Variants in B3GLCT observed in about 807,000 individuals in gnomAD.
The protein encoded by B3GLCT is beta-1,3-glucosyltransferase.
B3GLCT carries 65 observed loss-of-function variants against 63.4 expected under a neutral mutation model. That is an observed-to-expected ratio of 1.03 (90% confidence interval 0.84 to 1.26). The LOEUF is 1.26. Ranked by LOEUF, B3GLCT falls within the 50% of genes most tolerant of loss-of-function variation. B3GLCT has a pLI of 0.00. For missense variants in B3GLCT, 577 were observed against 604.8 expected (o/e 0.95, Z 0.48); for synonymous variants, 233 against 219.2 (o/e 1.06, Z -0.55).
intron 1 of B3GLCT, among the ~76,000 whole-genome samples, chr13:31,204,871 C>T (rs1245810218): frequency 1.3e-5 from 2 of 152,124 alleles, no homozygotes; most frequent in Non-Finnish European, 2.9e-5. Flanking sequence ...ACATTTCTGT[C>T]ACATCCACCA....
At position 31,297,646 on chromosome 13, in the gene B3GLCT, G is replaced by C. The variant is rs569956400; in HGVS notation, c.1064+10827G>C. On this transcript the variant is annotated intron_variant, in intron 12 of 14. Transcript: ENST00000343307. ...TTAACACTGTCTACCTGGAGATAGT[G>C]CCAATTCCCACAGTTTGAGGGCTCA... Among the ~76,000 whole-genome samples, 17 of 152,124 alleles carry C rather than the reference G, an allele frequency of 1.1e-4. No individual in the cohort carries two copies. In the East Asian group the frequency reaches 3.3e-3, roughly 30 times the overall value.
At chr13:31,225,016 C>G (rs1870025589) in intron 3 of B3GLCT, among the ~76,000 whole-genome samples, 1 of 152,210 alleles carries the variant, frequency 6.6e-6, no homozygotes, top group Admixed American at 6.5e-5. Context: ...AACTATCTCT[C>G]TGTCCTGCTG....
intron 1 of B3GLCT, among the ~76,000 whole-genome samples, chr13:31,202,379 T>C (rs1173640977): frequency 1.3e-5 from 2 of 152,236 alleles, no homozygotes; most frequent in African/African-American, 2.4e-5. Context: ...GTGTGGCTTT[T>C]AGTGGCTTTG....
Position 31,257,925 on chromosome 13 carries a change from C to G in B3GLCT, c.460-3021C>G, listed in dbSNP as rs915486169. On this transcript the variant is annotated intron_variant, in intron 6 of 14. Transcript: ENST00000343307. ...AGCAGTGAACAAAATGGACAACATC[C>G]CTGCCCACAAGGAGATGATGTTCTT... 3.9e-5 allele frequency among the ~76,000 whole-genome samples: 6 copies of G among 152,160 alleles called. No individual in the cohort carries two copies. In the East Asian group the frequency reaches 7.7e-4, roughly 20 times the overall value.
chr13:31,313,163 G>A (rs1404368998), intron 12 of B3GLCT, among the ~76,000 whole-genome samples: 1 of 152,186 alleles, frequency 6.6e-6, no homozygotes, highest in East Asian at 1.9e-4. Context: ...AGTGGGGATG[G>A]GAAAGGTGAT....
rs117746040 is a variant in B3GLCT at position 31,309,960 on chromosome 13, C to G, written c.1065-7606C>G. On this transcript the variant is annotated intron_variant, in intron 12 of 14. Coordinates refer to ENST00000343307, the MANE Select transcript of B3GLCT (RefSeq NM_194318.4). The stretch of plus-strand genomic sequence containing the variant: ...TTTGACCCACAATCAGATTAAATTC[C>G]TACCTTGGGCAGGTACAAGGACACT... Among the ~76,000 whole-genome samples, 1,134 of 152,266 alleles carry G rather than the reference C, an allele frequency of 7.4e-3. 11 individuals are homozygous for G. The highest frequency in any genetic ancestry group is 0.011 in the Non-Finnish European group (717 of 68,020).
At chr13:31,259,671 G>A (rs1271059447) in intron 6 of B3GLCT, among the ~76,000 whole-genome samples, 4 of 151,892 alleles carry the variant, frequency 2.6e-5, no homozygotes, top group African/African-American at 9.7e-5. Flanking sequence ...AGTCCAGCAA[G>A]GCTGCAAGAG....
At chr13:31,200,203 G>C in intron 1 of B3GLCT, 49 bp downstream of exon 1, 2 of 1,169,632 alleles carry the variant, frequency 1.7e-6, no homozygotes, top group South Asian at 2.6e-5. Context: ...GGGGTTCGCG[G>C]GCACAGTCGC....
chr13:31,200,107 GGCTGCTCGCGCCGCCGGC>G lies in B3GLCT; in HGVS notation c.35_52del (p.Pro12_Ala17del), dbSNP rs777497613. 86 of 1,375,726 alleles carry G rather than the reference GGCTGCTCGCGCCGCCGGC, an allele frequency of 6.3e-5. No individual in the cohort carries two copies. Among genetic ancestry groups the G allele is most frequent in the Middle Eastern group, 2.7e-4 (1 of 3,724 alleles). The allele number at this position is 1,375,726 out of a possible 1,614,324, so 85.2% of individuals were successfully genotyped here. A position where few individuals can be genotyped will look rare whatever the true frequency, so the allele number is the denominator to read the frequency against. On this transcript the variant is annotated inframe_deletion, in exon 1 of 15. Coordinates refer to ENST00000343307, the MANE Select transcript of B3GLCT (RefSeq NM_194318.4). ...AGGATGCGGCCGCCCGCCTGCTGGT[GGCTGCTCGCGCCGCCGGC>G]GCTGCTCGCGCTCCTCACCTGCTCC...
At chr13:31,302,350 C>T (rs145355138) in intron 12 of B3GLCT, among the ~76,000 whole-genome samples, 30 of 152,030 alleles carry the variant, frequency 2.0e-4, no homozygotes, top group South Asian at 1.3e-3. Context: ...GGAACAGCTC[C>T]GGTCTACAGC....
intron 4 of B3GLCT, among the ~76,000 whole-genome samples, chr13:31,245,599 CATA>C (rs1323350822): frequency 6.6e-6 from 1 of 152,058 alleles, no homozygotes; most frequent in Admixed American, 6.6e-5. Flanking sequence ...TTAATTGATA[CATA>C]ATAACTCATT....
At chr13:31,227,123 A>G (rs1453184011) in intron 3 of B3GLCT, among the ~76,000 whole-genome samples, 1 of 152,186 alleles carries the variant, frequency 6.6e-6, no homozygotes, top group African/African-American at 2.4e-5. Context: ...TACATGTAGT[A>G]CTGGTTAATT....
chr13:31,288,847 A>G (rs1873488978), intron 12 of B3GLCT, among the ~76,000 whole-genome samples: 1 of 152,170 alleles, frequency 6.6e-6, no homozygotes, highest in Non-Finnish European at 1.5e-5. Context: ...GCAAGAAAAT[A>G]TGATACCAGT....
At chr13:31,297,190 C>T (rs980030654) in intron 12 of B3GLCT, among the ~76,000 whole-genome samples, 1 of 152,082 alleles carries the variant, frequency 6.6e-6, no homozygotes, top group African/African-American at 2.4e-5. Context: ...TGTTGATGGA[C>T]ACTCCATCAA....
chr13:31,239,518 G>GT (rs1566056845), intron 4 of B3GLCT, among the ~76,000 whole-genome samples: 6 of 152,142 alleles, frequency 3.9e-5, no homozygotes, highest in South Asian at 2.1e-4. Flanking sequence ...TTTGACATCT[G>GT]TTTTTTTGAC....
At chr13:31,284,853 A>C (rs1030435728) in intron 11 of B3GLCT, 92 bp downstream of exon 11, 3 of 842,738 alleles carry the variant, frequency 3.6e-6, no homozygotes, top group Non-Finnish European at 4.0e-6. Flanking sequence ...ATGTTTTATA[A>C]GTGCTATAAT....
chr13:31,201,435 A>C (rs897805050), intron 1 of B3GLCT, among the ~76,000 whole-genome samples: 3 of 152,138 alleles, frequency 2.0e-5, no homozygotes, highest in Non-Finnish European at 4.4e-5. Flanking sequence ...TCCGGCAGAG[A>C]AGGCTGTAGT....
chr13:31,255,121 A>T (rs1045859999), intron 6 of B3GLCT, among the ~76,000 whole-genome samples: 17 of 152,286 alleles, frequency 1.1e-4, no homozygotes, highest in Admixed American at 9.8e-4. Flanking sequence ...CGGGATACAA[A>T]ATCAAGTGCA....
At chr13:31,202,174 C>G (rs1868705721) in intron 1 of B3GLCT, among the ~76,000 whole-genome samples, 1 of 152,162 alleles carries the variant, frequency 6.6e-6, no homozygotes, top group African/African-American at 2.4e-5. Context: ...TAAGATTGGC[C>G]TGACTATATA....
Sources: allele counts gnomAD v4.1 joint callset (sites outside exome capture counted in the v4.1 genomes callset), GRCh38; gene constraint gnomAD v4.1.1; transcripts MANE v1.5; gene names NCBI Gene and HGNC (gene_info 2026-07-23, HGNC 2026-07-21).